RRAS2: variants seen among roughly 807,000 people sequenced by gnomAD.
RRAS2 encodes ras-related protein R-Ras2.
RRAS2 carries 7 observed loss-of-function variants against 27.6 expected under a neutral mutation model. That is an observed-to-expected ratio of 0.25 (90% CI 0.14 to 0.48). RRAS2 has a LOEUF of 0.48. Ranked by LOEUF, RRAS2 falls within the 20% of genes least tolerant of loss-of-function variation. RRAS2 has a pLI of 0.99. For synonymous variants in RRAS2, 86 were observed against 90.9 expected (o/e 0.95, Z 0.31); for missense variants, 178 against 256.2 (o/e 0.69, Z 2.08).
chr11:14,294,695 CA>C, intron 3 of RRAS2, 64 bp downstream of exon 3: 1 of 1,544,882 alleles, frequency 6.5e-7, no homozygotes, highest in Non-Finnish European at 8.9e-7. Flanking sequence ...ACAAAAAGTC[CA>C]AACTCAATAA....
chr11:14,323,084 T>C, intron 1 of RRAS2, among the ~76,000 whole-genome samples: 1 of 152,120 alleles, frequency 6.6e-6, no homozygotes, highest in Non-Finnish European at 1.5e-5. Context: ...AACAACTTTA[T>C]GCAATAAATA....
intron 1 of RRAS2, among the ~76,000 whole-genome samples, chr11:14,311,003 T>C (rs192628863): frequency 1.1e-3 from 175 of 152,304 alleles, no homozygotes; most frequent in African/African-American, 4.0e-3. Flanking sequence ...GATACTTTTT[T>C]CAAAACTCTG....
chr11:14,299,060 A>G lies in RRAS2; in HGVS notation c.109-3205T>C, dbSNP rs75955133. ...ATGTCTAATCTTCAGCATCTGTAAA[A>G]CAGAGACAGGAACAAAATCCTGTGA... On this transcript the variant is annotated intron_variant, in intron 1 of 5. Transcript: ENST00000256196. Among the ~76,000 whole-genome samples the G allele has an allele frequency of 6.2e-3, 938 of 152,342 alleles. 12 individuals carry two copies. Among genetic ancestry groups the G allele is most frequent in the African/African-American group, 0.022 (898 of 41,572 alleles).
At chr11:14,338,758 C>T (rs1282457003) in intron 1 of RRAS2, among the ~76,000 whole-genome samples, 9 of 151,944 alleles carry the variant, frequency 5.9e-5, no homozygotes, top group Admixed American at 4.6e-4. Flanking sequence ...ATTTAAAGCT[C>T]AGAGTTACAG....
chr11:14,313,347 A>C (rs1193150367), intron 1 of RRAS2, among the ~76,000 whole-genome samples: 1 of 152,228 alleles, frequency 6.6e-6, no homozygotes, highest in Non-Finnish European at 1.5e-5. Flanking sequence ...ACTCTGAATC[A>C]CATTTATATG....
upstream of RRAS2, among the ~76,000 whole-genome samples, chr11:14,363,584 C>T (rs1430069942): frequency 5.3e-5 from 8 of 151,976 alleles, no homozygotes; most frequent in African/African-American, 1.7e-4. Context: ...GCCTGGCCAA[C>T]ATGGCGAAAC....
intron 1 of RRAS2, among the ~76,000 whole-genome samples, chr11:14,306,378 G>A (rs1457493607): frequency 2.6e-5 from 4 of 152,078 alleles, no homozygotes; most frequent in African/African-American, 9.7e-5. Flanking sequence ...ATGTTGTCCA[G>A]GCTGGTGTCG....
intron 1 of RRAS2, among the ~76,000 whole-genome samples, chr11:14,352,231 A>T (rs1384861687): frequency 6.6e-6 from 1 of 152,230 alleles, no homozygotes; most frequent in Non-Finnish European, 1.5e-5. Flanking sequence ...AACTGTTAGT[A>T]TATACCGACA....
At chr11:14,341,767 A>T (rs955869023) in intron 1 of RRAS2, 13 of 452,048 alleles carry the variant, frequency 2.9e-5, no homozygotes, top group Non-Finnish European at 5.8e-5. Context: ...ACTATAAAAT[A>T]CCTCAGAAAA....
intron 1 of RRAS2, chr11:14,364,324 A>T (rs1849226499): frequency 6.8e-7 from 1 of 1,477,710 alleles, no homozygotes; most frequent in African/African-American, 1.4e-5. Flanking sequence ...TGTAGCTACA[A>T]CAGACAGAGC....
At chr11:14,302,073 TACAC>T (rs57730782) in intron 1 of RRAS2, among the ~76,000 whole-genome samples, 12,470 of 142,394 alleles carry the variant, frequency 0.088, 652 homozygotes, top group African/African-American at 0.16. Context: ...ACCACACACA[TACAC>T]ACACACACAC....
intron 1 of RRAS2, among the ~76,000 whole-genome samples, chr11:14,322,453 A>C (rs1564970899): frequency 6.6e-6 from 1 of 151,992 alleles, no homozygotes; most frequent in East Asian, 1.9e-4. Flanking sequence ...AAAAAAAAAA[A>C]CACAAAGAAA....
rs540187845 is a variant in RRAS2 at position 14,321,871 on chromosome 11, G to A, written c.109-26016C>T. The stretch of plus-strand genomic sequence containing the variant: ...TTTAATCCAGATCTAGTTATTAGTG[G>A]CTTCTGGTATAATTCCTCGTACTGT... On this transcript the variant is annotated intron_variant, in intron 1 of 5. Transcript: ENST00000256196. Among the ~76,000 whole-genome samples, 18 of 152,088 alleles carry A rather than the reference G, an allele frequency of 1.2e-4. No homozygotes were observed. In the South Asian group the frequency reaches 3.7e-3, roughly 32 times the overall value.
At chr11:14,303,310 GAT>G (rs1554947643) in intron 1 of RRAS2, among the ~76,000 whole-genome samples, 2 of 152,138 alleles carry the variant, frequency 1.3e-5, no homozygotes. Flanking sequence ...ATGAATAACT[GAT>G]ATACTGAGTT....
At chr11:14,339,987 T>G (rs1455747380) in intron 1 of RRAS2, among the ~76,000 whole-genome samples, 1 of 151,506 alleles carries the variant, frequency 6.6e-6, no homozygotes, top group Non-Finnish European at 1.5e-5. Flanking sequence ...GGTGTGGTGG[T>G]GCAGGCCAGT....
chr11:14,347,389 G>A (rs1342304264), intron 1 of RRAS2, among the ~76,000 whole-genome samples: 2 of 152,116 alleles, frequency 1.3e-5, no homozygotes, highest in African/African-American at 4.8e-5. Context: ...CACAATTTTG[G>A]TTGTTGTAAA....
At chr11:14,334,204 A>G (rs562208415) in intron 1 of RRAS2, among the ~76,000 whole-genome samples, 11 of 152,296 alleles carry the variant, frequency 7.2e-5, no homozygotes, top group Admixed American at 7.2e-4. Flanking sequence ...CCCATTTCCC[A>G]TAACTTTACC....
intron 1 of RRAS2, among the ~76,000 whole-genome samples, chr11:14,345,490 G>A (rs1418944226): frequency 3.9e-5 from 6 of 152,156 alleles, no homozygotes; most frequent in Admixed American, 3.9e-4. Flanking sequence ...TGCTTACAGG[G>A]TTTAAGATAA....
At chr11:14,303,007 T>C (rs1847752016) in intron 1 of RRAS2, among the ~76,000 whole-genome samples, 1 of 152,158 alleles carries the variant, frequency 6.6e-6, no homozygotes, top group African/African-American at 2.4e-5. Flanking sequence ...CTATGTAGAG[T>C]ACAAAGCCCA....
Sources: allele counts gnomAD v4.1 joint callset (sites outside exome capture counted in the v4.1 genomes callset), GRCh38; gene constraint gnomAD v4.1.1; transcripts MANE v1.5; gene names NCBI Gene and HGNC (gene_info 2026-07-23, HGNC 2026-07-21).